Variants in NUP210L observed in about 807,000 individuals in gnomAD.
NUP210L encodes the protein nuclear pore membrane glycoprotein 210-like.
In NUP210L, 74 loss-of-function variants were observed where a neutral mutation model predicts 208.5. The ratio of observed to expected loss-of-function variants is 0.35; its 90% CI spans 0.29 to 0.43. The LOEUF (loss-of-function observed/expected upper bound fraction) is 0.43, where lower values mean the gene tolerates loss of function less well. Among genes scored for constraint, NUP210L ranks in the 20% least tolerant of loss-of-function variants. The probability of loss-of-function intolerance (pLI) is 1.00; values close to 1 mark genes in which losing one functional copy is unlikely to be tolerated. For synonymous variants in NUP210L, 780 were observed against 816.9 expected (o/e 0.95, Z 0.77); for missense variants, 1,843 against 2,289.4 (o/e 0.81, Z 3.98).
intron 7 of NUP210L, among the ~76,000 whole-genome samples, chr1:154,131,792 CTTTTTTTCTTTT>C (rs1378553365): frequency 6.6e-6 from 1 of 151,812 alleles, no homozygotes; most frequent in Non-Finnish European, 1.5e-5. Context: ...GTTTTTCTTT[CTTTTTTTCTTTT>C]TTCTTTTTTT....
intron 16 of NUP210L, among the ~76,000 whole-genome samples, chr1:154,082,458 T>C (rs747256102): frequency 5.9e-5 from 9 of 152,032 alleles, no homozygotes; most frequent in Non-Finnish European, 1.3e-4. Flanking sequence ...AAATAGACAA[T>C]TCAATAATAG....
intron 2 of NUP210L, among the ~76,000 whole-genome samples, chr1:154,150,078 A>T (rs901784539): frequency 6.6e-6 from 1 of 152,164 alleles, no homozygotes. Context: ...AAATTACAAA[A>T]ATTTAGCGGG....
At chr1:154,115,721 T>C (rs1181852932) in intron 12 of NUP210L, among the ~76,000 whole-genome samples, 2 of 152,176 alleles carry the variant, frequency 1.3e-5, no homozygotes, top group Admixed American at 6.6e-5. Flanking sequence ...ATAGGGATCA[T>C]GTGTTATGTA....
chr1:154,110,772 G>A (rs145139276), intron 12 of NUP210L, among the ~76,000 whole-genome samples: 86 of 151,358 alleles, frequency 5.7e-4, no homozygotes, highest in Middle Eastern at 3.4e-3. Flanking sequence ...CAGCTACTTG[G>A]GAGACTGCGG....
chr1:154,058,277 C>T, intron 21 of NUP210L, 61 bp from the exon 22 acceptor site: 2 of 1,559,222 alleles, frequency 1.3e-6, no homozygotes, highest in South Asian at 1.1e-5. Flanking sequence ...GGCAGTCTAA[C>T]TCTTAGAGGG....
At chr1:154,116,684 T>C (rs1410731806) in intron 12 of NUP210L, among the ~76,000 whole-genome samples, 2 of 151,896 alleles carry the variant, frequency 1.3e-5, no homozygotes, top group Non-Finnish European at 1.5e-5. Flanking sequence ...GCTATGATCA[T>C]GCCATTGCCC....
chr1:154,149,777 T>A (rs760600563), intron 2 of NUP210L, among the ~76,000 whole-genome samples: 6 of 152,158 alleles, frequency 3.9e-5, no homozygotes, highest in Non-Finnish European at 7.4e-5. Context: ...TTAGAATGAT[T>A]AGGAGAAATA....
At chr1:154,142,535 G>C (rs952566728) in intron 3 of NUP210L, among the ~76,000 whole-genome samples, 1 of 152,146 alleles carries the variant, frequency 6.6e-6, no homozygotes, top group South Asian at 2.1e-4. Flanking sequence ...ATTCCAAAAA[G>C]TGTTCTTCAT....
At chr1:154,042,140 C>A (rs1481885017) in intron 27 of NUP210L, among the ~76,000 whole-genome samples, 1 of 151,860 alleles carries the variant, frequency 6.6e-6, no homozygotes, top group East Asian at 1.9e-4. Context: ...CACTCTGTTA[C>A]CCAGGCTGGA....
At chr1:154,012,272 G>A in exon 34 of NUP210L, 1 of 1,613,726 alleles carries the variant, frequency 6.2e-7, no homozygotes, top group Non-Finnish European at 8.5e-7. Flanking sequence ...TTCTGCCAGT[G>A]GTGATGAAGA....
At chr1:154,013,759 TTTG>T (rs1236997939) in intron 33 of NUP210L, among the ~76,000 whole-genome samples, 5 of 151,550 alleles carry the variant, frequency 3.3e-5, no homozygotes, top group Non-Finnish European at 1.5e-5. Flanking sequence ...TGTAAGTTTT[TTTG>T]TTTGTTTGTT....
chr1:154,118,796 G>A lies in NUP210L; in HGVS notation c.1339C>T (p.Gln447Ter), dbSNP rs1251518333. 6.4e-7 allele frequency: 1 copy of A among 1,568,950 alleles called. No homozygotes were observed. The highest frequency in any genetic ancestry group is 1.4e-5 in the African/African-American group (1 of 73,842). ...TGTTTGATTAGAAATTTTATAGGCT[G>A]AATATCTTTATTCTATAAGAGCAGG... Residue 447 changes from glutamine (Q) to a stop codon, truncating the protein, a stop_gained, in exon 11 of 40, where the codon CAG becomes TAG. Transcript: ENST00000368559. LOFTEE classifies it high-confidence loss of function.
chr1:153,995,874 C>T (rs535463465), intron 37 of NUP210L: 5 of 564,896 alleles, frequency 8.9e-6, no homozygotes, highest in South Asian at 2.9e-5. Context: ...TAAATGTGTT[C>T]GTGACTGGAT....
At chr1:154,143,495 A>G in exon 3 of NUP210L, 1 of 1,614,082 alleles carries the variant, frequency 6.2e-7, no homozygotes, top group Non-Finnish European at 8.5e-7. Flanking sequence ...AATCATCTAC[A>G]TAAAGTTCCC....
At chr1:154,029,854 A>G (rs368878759) in intron 28 of NUP210L, 42 bp downstream of exon 28, 5 of 1,502,808 alleles carry the variant, frequency 3.3e-6, no homozygotes, top group Non-Finnish European at 4.6e-6. Flanking sequence ...TAACTTTCTT[A>G]TCCTTAATAT....
intron 6 of NUP210L, among the ~76,000 whole-genome samples, 181 bp downstream of exon 6, chr1:154,137,925 C>G (rs1316071659): frequency 6.6e-6 from 1 of 152,056 alleles, no homozygotes. Context: ...CTAACTATGC[C>G]ATTAATATGT....
At chr1:154,048,754 G>A (rs950591912) in intron 25 of NUP210L, among the ~76,000 whole-genome samples, 1 of 152,192 alleles carries the variant, frequency 6.6e-6, no homozygotes, top group African/African-American at 2.4e-5. Context: ...ACCCTTGCCA[G>A]CGGGGATGAT....
chr1:154,134,866 T>C (rs1360254496), intron 7 of NUP210L, among the ~76,000 whole-genome samples: 1 of 149,944 alleles, frequency 6.7e-6, no homozygotes, highest in Non-Finnish European at 1.5e-5. Context: ...GCCTCCCGAG[T>C]AGCTGGGATT....
intron 13 of NUP210L, among the ~76,000 whole-genome samples, chr1:154,100,927 C>G (rs1189553482): frequency 6.6e-6 from 1 of 152,036 alleles, no homozygotes; most frequent in Non-Finnish European, 1.5e-5. Flanking sequence ...AATCCCAACA[C>G]TTTGGAAGGC....
Sources: gnomAD v4.1 joint callset for allele counts (sites outside exome capture counted in the v4.1 genomes callset) on GRCh38, gnomAD v4.1.1 for gene constraint, MANE v1.5 for transcripts, NCBI Gene and HGNC (gene_info 2026-07-23, HGNC 2026-07-21) for gene names.